The following IGFL2 variants were observed in gnomAD, a reference collection of about 807,000 sequenced individuals.
IGFL2 encodes IGF like family member 2, also known as insulin growth factor-like family member 2.
IGFL2 carries 7 observed loss-of-function variants against 13.9 expected under a neutral mutation model. That is an observed-to-expected ratio of 0.51 (90% CI 0.29 to 0.95). The LOEUF is 0.95. Among genes scored for constraint, IGFL2 ranks in the 40% least tolerant of loss-of-function variants. The probability of loss-of-function intolerance (pLI) is 0.08; values close to 1 mark genes in which losing one functional copy is unlikely to be tolerated. For synonymous variants in IGFL2, 55 were observed against 55.8 expected (o/e 0.99, Z 0.07); for missense variants, 138 against 147.8 (o/e 0.93, Z 0.34).
At chr19:46,141,577 G>A (rs1972860995), upstream of IGFL2, among the ~76,000 whole-genome samples, 3 of 151,998 alleles carry the variant, frequency 2.0e-5, no homozygotes, top group Non-Finnish European at 4.4e-5. Flanking sequence ...ACCCATGGTG[G>A]CCCTCTGTCA....
At chr19:46,211,385 C>T in the IGFL2 span, among the ~76,000 whole-genome samples, 1 of 152,210 alleles carries the variant, frequency 6.6e-6, no homozygotes, top group African/African-American at 2.4e-5. Context: ...CCCGGCCTTC[C>T]TTCTACATAC....
the IGFL2 span, among the ~76,000 whole-genome samples, chr19:46,136,462 G>A: frequency 6.3e-4 from 96 of 152,148 alleles, no homozygotes; most frequent in African/African-American, 2.3e-3. Flanking sequence ...CAAGAAAGGA[G>A]AAGGAAAGGG....
chr19:46,129,727 GGTT>G, the IGFL2 span, among the ~76,000 whole-genome samples: 8 of 152,130 alleles, frequency 5.3e-5, 1 homozygote, highest in Admixed American at 3.9e-4. Flanking sequence ...CTGAGAGAGT[GGTT>G]GTTATGATTT....
chr19:46,166,699 G>C, the IGFL2 span, among the ~76,000 whole-genome samples: 1 of 152,222 alleles, frequency 6.6e-6, no homozygotes, highest in Non-Finnish European at 1.5e-5. Flanking sequence ...CCAGTTCAGA[G>C]ACGTACCCCT....
Position 46,160,659 on chromosome 19 carries a change from G to A in IGFL2, c.119G>A (p.Cys40Tyr). ...TGGCTGTGCCAGCCGGCACCCAGGT[G>A]TGGAGACAAGATCTACAACCCCTTG... Reference protein sequence around the residue: ...EPWLCQPAPRCGDKIYNPLEQ... With the variant: ...EPWLCQPAPRYGDKIYNPLEQ... The change falls in exon 3 of 4, where the codon TGT becomes TAT. Residue 40 changes from cysteine to tyrosine, a missense_variant. Cys to Tyr is a radical substitution (Grantham distance 194). Transcript: ENST00000377693. 6.2e-7 allele frequency: 1 copy of A among 1,614,126 alleles called. No individual in the cohort carries two copies. The highest frequency in any genetic ancestry group is 8.5e-7 in the Non-Finnish European group (1 of 1,180,014).
upstream of IGFL2, among the ~76,000 whole-genome samples, chr19:46,139,900 TG>T (rs1972781282): frequency 6.6e-6 from 1 of 152,006 alleles, no homozygotes; most frequent in Non-Finnish European, 1.5e-5. Flanking sequence ...TATGTATATA[TG>T]TATATATAGT....
At chr19:46,149,991 A>T (rs1973387010) in intron 1 of IGFL2, among the ~76,000 whole-genome samples, 1 of 152,204 alleles carries the variant, frequency 6.6e-6, no homozygotes, top group Non-Finnish European at 1.5e-5. Context: ...CATTCCCACC[A>T]GCAGTGTATG....
the IGFL2 span, among the ~76,000 whole-genome samples, chr19:46,127,939 G>A: frequency 6.6e-6 from 1 of 152,054 alleles, no homozygotes; most frequent in African/African-American, 2.4e-5. Context: ...TAACAATATT[G>A]ATTCTTCCTA....
upstream of IGFL2, among the ~76,000 whole-genome samples, chr19:46,146,325 A>G (rs149823676): frequency 6.6e-6 from 1 of 152,138 alleles, no homozygotes; most frequent in Non-Finnish European, 1.5e-5. Context: ...ATCCATGTCT[A>G]TCCATTTGCC....
chr19:46,189,001 A>G, the IGFL2 span, among the ~76,000 whole-genome samples: 1 of 152,176 alleles, frequency 6.6e-6, no homozygotes, highest in African/African-American at 2.4e-5. Flanking sequence ...ACGAGAGATC[A>G]TAGAAATAAA....
upstream of IGFL2, among the ~76,000 whole-genome samples, chr19:46,146,179 A>G (rs1411549545): frequency 6.6e-6 from 1 of 151,122 alleles, no homozygotes; most frequent in African/African-American, 2.4e-5. Context: ...ATGCATGCCC[A>G]TTGTCTCACA....
At chr19:46,198,829 A>G in the IGFL2 span, among the ~76,000 whole-genome samples, 2 of 152,118 alleles carry the variant, frequency 1.3e-5, no homozygotes, top group Non-Finnish European at 2.9e-5. Context: ...CACACATGCA[A>G]TGCCACCCCA....
chr19:46,106,754 G>GTA, the IGFL2 span, among the ~76,000 whole-genome samples: 1 of 152,162 alleles, frequency 6.6e-6, no homozygotes, highest in Admixed American at 6.5e-5. Flanking sequence ...CAGGCTGGTG[G>GTA]TAACAGGCTT....
At chr19:46,171,226 A>G in the IGFL2 span, among the ~76,000 whole-genome samples, 1 of 152,168 alleles carries the variant, frequency 6.6e-6, no homozygotes, top group Admixed American at 6.5e-5. Context: ...GGGAAAACAG[A>G]AAAGAACCTA....
the IGFL2 span, among the ~76,000 whole-genome samples, chr19:46,172,402 AGACGT>A: frequency 6.6e-6 from 1 of 152,238 alleles, no homozygotes; most frequent in African/African-American, 2.4e-5. Context: ...TACTTCATGA[AGACGT>A]GAGTAACTTC....
intron 1 of IGFL2, among the ~76,000 whole-genome samples, chr19:46,155,202 T>C (rs1052786557): frequency 2.6e-5 from 4 of 152,232 alleles, no homozygotes; most frequent in South Asian, 4.1e-4. Context: ...CCCGGTGCTG[T>C]AAGCCACAAT....
chr19:46,158,703 A>G (rs73048062), intron 1 of IGFL2, among the ~76,000 whole-genome samples: 5,601 of 152,238 alleles, frequency 0.037, 163 homozygotes, highest in East Asian at 0.072. Context: ...AGGCTCATCA[A>G]GAATATCCAG....
At chr19:46,209,574 A>G in the IGFL2 span, 1 of 152,150 alleles carries the variant, frequency 6.6e-6, no homozygotes, top group Non-Finnish European at 1.5e-5. Flanking sequence ...TGCAACTACT[A>G]AGAAAAATAG....
the IGFL2 span, among the ~76,000 whole-genome samples, chr19:46,128,297 A>G: frequency 1.3e-5 from 2 of 152,170 alleles, no homozygotes; most frequent in African/African-American, 2.4e-5. Flanking sequence ...AAACAGGGAT[A>G]GTTTGATGTA....
Sources: gnomAD v4.1 joint callset for allele counts (sites outside exome capture counted in the v4.1 genomes callset) on GRCh38, gnomAD v4.1.1 for gene constraint, MANE v1.5 for transcripts, NCBI Gene and HGNC (gene_info 2026-07-23, HGNC 2026-07-21) for gene names.